The following IFI44 variants were observed in gnomAD, a reference collection of about 807,000 sequenced individuals.
The protein encoded by IFI44 is interferon induced protein 44, also known as interferon-induced protein 44.
In IFI44, 42 loss-of-function variants were observed where a neutral mutation model predicts 45.0. The ratio of observed to expected loss-of-function variants is 0.93; its 90% CI spans 0.73 to 1.21. IFI44 has a LOEUF of 1.21. IFI44 is among the 50% of genes most tolerant of loss of function. IFI44 has a pLI of 0.00. For missense variants in IFI44, 623 were observed against 525.8 expected (o/e 1.18, Z -1.81); for synonymous variants, 221 against 188.6 (o/e 1.17, Z -1.41).
chr1:78,650,646 T>A lies in IFI44; in HGVS notation c.451T>A (p.Cys151Ser), dbSNP rs140068804. The A allele has an allele frequency of 1.9e-6, 3 of 1,575,172 alleles. No individual in the cohort carries two copies. Residue 151 changes from cysteine to serine, a missense_variant, in exon 2 of 9, where the codon TGC becomes AGC. Physicochemically the swap from Cys to Ser is moderately radical, Grantham distance 112 (BLOSUM62 -1). Coordinates refer to ENST00000370747, the MANE Select transcript of IFI44 (RefSeq NM_006417.5). ...ISIQDYEVFR[C>S]EDSLDERKIK... is the part of the protein sequence containing the mutation. ...TATTCAGGATTATGAAGTTTTTCGA[T>A]GCGAAGGTAGGTTTAATTAGATAAT...
intron 7 of IFI44, chr1:78,662,493 C>T (rs1352098886): frequency 5.8e-6 from 3 of 519,084 alleles, no homozygotes; most frequent in Non-Finnish European, 1.0e-5. Flanking sequence ...ATTTAGAATC[C>T]ACTGCATGTA....
intron 5 of IFI44, among the ~76,000 whole-genome samples, chr1:78,658,813 G>A (rs962648100): frequency 2.0e-5 from 3 of 152,082 alleles, no homozygotes; most frequent in African/African-American, 7.2e-5. Context: ...GCATTTTTCT[G>A]CTACAAATGT....
At chr1:78,656,229 T>C (rs1340575303) in intron 5 of IFI44, among the ~76,000 whole-genome samples, 5 of 152,206 alleles carry the variant, frequency 3.3e-5, no homozygotes, top group African/African-American at 1.2e-4. Flanking sequence ...GACGTATGGC[T>C]GTCATTTTTA....
chr1:78,654,014 G>A (rs886985009), intron 2 of IFI44, among the ~76,000 whole-genome samples: 2 of 152,166 alleles, frequency 1.3e-5, no homozygotes, highest in Non-Finnish European at 2.9e-5. Context: ...TCTGCTGATA[G>A]TACAGAGGGT....
Position 78,650,367 on chromosome 1 carries a change from G to A in IFI44, c.172G>A (p.Asp58Asn). 1 of 1,614,108 alleles carries A rather than the reference G, an allele frequency of 6.2e-7. No individual in the cohort carries two copies. Among genetic ancestry groups the A allele is most frequent in the Non-Finnish European group, 8.5e-7 (1 of 1,179,978 alleles). The change falls in exon 2 of 9, where the codon GAT (aspartate) becomes AAT (asparagine). Residue 58 changes from aspartate to asparagine, a missense_variant. Transcript: ENST00000370747. ...TACTCTAACAGTGATTTATAGTGAA[G>A]ATCATATTATTGGAGCATATGCAGA... ...GPTLTVIYSE[D>N]HIIGAYAEES...
Position 78,650,281 on chromosome 1 carries a change from A to G in IFI44, c.86A>G (p.Lys29Arg), listed in dbSNP as rs781482789. Reference protein sequence around the residue: ...FGGKRLSLLYKGSVHGFRNGV... With the variant: ...FGGKRLSLLYRGSVHGFRNGV... The stretch of plus-strand genomic sequence containing the variant: ...GGGAAGCGGCTTAGCCTTCTCTATA[A>G]GGGTAGTGTCCATGGATTCCGTAAT... The change falls in exon 2 of 9, where the codon AAG (lysine) becomes AGG (arginine). Residue 29 changes from lysine (K) to arginine (R), a missense_variant. By Grantham distance (26) the Lys-to-Arg change is conservative. Coordinates refer to ENST00000370747, the MANE Select transcript of IFI44 (RefSeq NM_006417.5). 5.6e-6 allele frequency: 9 copies of G among 1,614,064 alleles called. No individual in the cohort carries two copies. The highest frequency in any genetic ancestry group is 5.0e-5 in the Admixed American group (3 of 60,028).
In IFI44 at chr1:78,655,400, A is replaced by G. The variant is rs1647190726; in HGVS notation, c.729A>G (p.Lys243=). 1 of 1,613,616 alleles carries G rather than the reference A, an allele frequency of 6.2e-7. No homozygotes were observed. Among genetic ancestry groups the G allele is most frequent in the Non-Finnish European group, 8.5e-7 (1 of 1,179,776 alleles). The change falls in exon 5 of 9, where the codon AAA becomes AAG. Residue 243 remains lysine (K), a synonymous_variant. Transcript: ENST00000370747. The part of the protein sequence containing the change: ...TYSIRDGKDG[K]YLPFILCDSL... ...CTATTAGAGACGGGAAAGATGGCAA[A>G]TACCTGCCGTTTATTCTGTGTGACT...
At position 78,651,273 on chromosome 1, in the gene IFI44, A is replaced by G. The variant is rs1027666942; in HGVS notation, c.457+621A>G. Among the ~76,000 whole-genome samples the G allele has an allele frequency of 2.6e-5, 4 of 152,182 alleles. 1 individual carries two copies. Among genetic ancestry groups the G allele is most frequent in the African/African-American group, 9.6e-5 (4 of 41,456 alleles). ...TAATGTAGAATCAGCGGGAACCCGG[A>G]GCTTGTTTTCCTGCAACTAAACGGT... On this transcript the variant is annotated intron_variant, in intron 2 of 8. Transcript: ENST00000370747.
At chr1:78,663,011 C>A in intron 8 of IFI44, 133 bp downstream of exon 8, 1 of 1,541,064 alleles carries the variant, frequency 6.5e-7, no homozygotes, top group South Asian at 1.3e-5. Flanking sequence ...TGCTTTTTAA[C>A]CCACTCCCTG....
intron 3 of IFI44, 106 bp from the exon 4 acceptor site, chr1:78,654,908 G>A: frequency 1.2e-6 from 1 of 869,416 alleles, no homozygotes; most frequent in Non-Finnish European, 1.6e-6. Context: ...AAGTCAAGTT[G>A]CTAATCAAAA....
chr1:78,655,628 A>AT (rs554488295), intron 5 of IFI44, 117 bp downstream of exon 5: 4,731 of 897,162 alleles, frequency 5.3e-3, no homozygotes, highest in South Asian at 8.3e-3. Flanking sequence ...TCTCTTTTAG[A>AT]TTTTTTTTTT....
Position 78,662,829 on chromosome 1 carries a change from G to A in IFI44, c.1239G>A (p.Met413Ile). 2 of 1,613,826 alleles carry A rather than the reference G, an allele frequency of 1.2e-6. No individual in the cohort carries two copies. Among genetic ancestry groups the A allele is most frequent in the East Asian group, 4.5e-5 (2 of 44,852 alleles). ...TAATTCTTTCTGCTCTGAGACGAAT[G>A]CTATGGGCTGCAGATGACTTCTTAG... ...DVLILSALRR[M>I]LWAADDFLED... The change falls in exon 8 of 9, where the codon ATG becomes ATA. Residue 413 changes from methionine to isoleucine, a missense_variant. Met to Ile is a conservative substitution (Grantham distance 10, BLOSUM62 1). Transcript: ENST00000370747.
In IFI44 at chr1:78,654,243, A is replaced by C; in HGVS notation, c.458A>C (p.Asp153Ala). 2 of 1,481,280 alleles carry C rather than the reference A, an allele frequency of 1.4e-6. No homozygotes were observed. The highest frequency in any genetic ancestry group is 1.9e-6 in the Non-Finnish European group (2 of 1,061,114). The allele number at this position is 1,481,280 out of a possible 1,614,324, so 91.8% of individuals were successfully genotyped here. A position where few individuals can be genotyped will look rare whatever the true frequency, so the allele number is the denominator to read the frequency against. Residue 153 changes from aspartate (D) to alanine (A), a missense_variant and splice_region_variant, in exon 3 of 9, where the codon GAT (aspartate) becomes GCT (alanine). Asp to Ala is a moderately radical substitution (Grantham distance 126, BLOSUM62 -2). Transcript: ENST00000370747. Reference sequence around the variant, plus strand: ...CATTATTCTTTGATTATTTCCCCAGATTCACTGGATGAAAGAAAGATAAAA... The same window carrying C: ...CATTATTCTTTGATTATTTCCCCAGCTTCACTGGATGAAAGAAAGATAAAA... ...IQDYEVFRCE[D>A]SLDERKIKGV...
At chr1:78,654,094 A>G (rs913573352) in intron 2 of IFI44, 149 bp from the exon 3 acceptor site, 1 of 638,114 alleles carries the variant, frequency 1.6e-6, no homozygotes, top group Non-Finnish European at 2.8e-6. Flanking sequence ...TTTGCTCTAC[A>G]AAATTGCTCC....
At position 78,650,229 on chromosome 1, in the gene IFI44, G is replaced by A. The variant is rs147143041; in HGVS notation, c.34G>A (p.Glu12Lys). Residue 12 changes from glutamate (E) to lysine (K), a missense_variant, in exon 2 of 9, where the codon GAA becomes AAA. Transcript: ENST00000370747. ...AVTTRLTWLH[E>K]KILQNHFGGK... The stretch of plus-strand genomic sequence containing the variant: ...GACAACTCGTTTGACATGGTTGCAC[G>A]AAAAGATCCTGCAAAATCATTTTGG... 1.4e-4 allele frequency: 217 copies of A among 1,606,574 alleles called. No individual in the cohort carries two copies. Among genetic ancestry groups the A allele is most frequent in the Non-Finnish European group, 1.8e-4 (209 of 1,173,904 alleles).
intron 8 of IFI44, 172 bp from the exon 9 acceptor site, chr1:78,663,593 C>A: frequency 1.0e-6 from 1 of 985,350 alleles, no homozygotes; most frequent in Non-Finnish European, 1.2e-6. Flanking sequence ...ATGTTACTAA[C>A]TTTGTTGCTC....
intron 2 of IFI44, among the ~76,000 whole-genome samples, chr1:78,653,134 G>T (rs1647150337): frequency 6.6e-6 from 1 of 151,286 alleles, no homozygotes; most frequent in African/African-American, 2.4e-5. Flanking sequence ...TTTAAAATTT[G>T]GTTTTATATT....
chr1:78,660,710 A>G (rs1647401971), intron 7 of IFI44, 56 bp downstream of exon 7: 1 of 1,093,748 alleles, frequency 9.1e-7, no homozygotes, highest in Admixed American at 1.7e-5. Flanking sequence ...CTACAATCAC[A>G]TACTAGTGTG....
chr1:78,660,480 A>T, intron 6 of IFI44, 74 bp from the exon 7 acceptor site: 1 of 1,095,380 alleles, frequency 9.1e-7, no homozygotes, highest in Non-Finnish European at 1.4e-6. Flanking sequence ...GTTGCCTATT[A>T]CATAATTGAT....
Sources: allele counts gnomAD v4.1 joint callset (sites outside exome capture counted in the v4.1 genomes callset), GRCh38; gene constraint gnomAD v4.1.1; transcripts MANE v1.5; gene names NCBI Gene and HGNC (gene_info 2026-07-23, HGNC 2026-07-21).